The following PTK2 variants were observed in gnomAD, a reference collection of about 807,000 sequenced individuals.
The protein encoded by PTK2 is focal adhesion kinase 1.
PTK2 carries 45 observed loss-of-function variants against 150.1 expected under a neutral mutation model. The ratio of observed to expected loss-of-function variants is 0.30; its 90% CI spans 0.24 to 0.38. The LOEUF (loss-of-function observed/expected upper bound fraction) is 0.38, where lower values mean the gene tolerates loss of function less well. Among genes scored for constraint, PTK2 ranks in the 10% least tolerant of loss-of-function variants. The pLI, the probability that PTK2 is intolerant of heterozygous loss-of-function variation, is 1.00. For missense variants in PTK2, 919 were observed against 1,307.3 expected (o/e 0.70, Z 4.58); for synonymous variants, 432 against 449.2 (o/e 0.96, Z 0.48).
At chr8:140,877,025 C>T (rs868515203) in intron 4 of PTK2, among the ~76,000 whole-genome samples, 6 of 71,876 alleles carry the variant, frequency 8.3e-5, no homozygotes, top group Middle Eastern at 0.012. Flanking sequence ...TTCACTAATC[C>T]TTTTTTTTTT....
At chr8:140,884,022 T>C (rs978979883) in intron 3 of PTK2, among the ~76,000 whole-genome samples, 2 of 152,030 alleles carry the variant, frequency 1.3e-5, no homozygotes, top group Non-Finnish European at 2.9e-5. Flanking sequence ...TTGCATCTGA[T>C]CCTTCTTTCA....
At chr8:140,879,676 GAAAAAAAAAAA>G in intron 3 of PTK2, 39 bp from the exon 4 acceptor site, 25 of 34,584 alleles carry the variant, frequency 7.2e-4, no homozygotes, top group East Asian at 3.2e-3. Flanking sequence ...GTTATAAACT[GAAAAAAAAAAA>G]AAAAAAAAAA....
At chr8:140,775,459 T>A (rs1211663806) in intron 14 of PTK2, among the ~76,000 whole-genome samples, 1 of 152,088 alleles carries the variant, frequency 6.6e-6, no homozygotes, top group Non-Finnish European at 1.5e-5. Context: ...CACTCCAGTC[T>A]GGACAACGGA....
chr8:140,683,887 A>C (rs1463638920), intron 27 of PTK2, among the ~76,000 whole-genome samples: 3 of 152,130 alleles, frequency 2.0e-5, no homozygotes, highest in Non-Finnish European at 2.9e-5. Flanking sequence ...TGACAAACCC[A>C]CAGCCAATAT....
intron 8 of PTK2, among the ~76,000 whole-genome samples, chr8:140,825,652 C>A (rs981127456): frequency 6.6e-6 from 1 of 152,170 alleles, no homozygotes; most frequent in Non-Finnish European, 1.5e-5. Flanking sequence ...GGTAGGACAA[C>A]ATTCACTGAA....
chr8:140,933,680 A>T lies in PTK2; in HGVS notation c.-121-7931T>A, dbSNP rs550796603. Among the ~76,000 whole-genome samples, 3 of 152,328 alleles carry T rather than the reference A, an allele frequency of 2.0e-5. No individual in the cohort carries two copies. In the East Asian group the frequency reaches 5.8e-4, roughly 29 times the overall value. On this transcript the variant is annotated intron_variant, in intron 1 of 31. Coordinates refer to ENST00000522684, the Ensembl canonical transcript of PTK2. ...ATACAGCCTGATTCCTTTTATATAA[A>T]ATGTCCAGAATAGGCAAATCTATAA...
chr8:140,737,244 C>T (rs1446705949), intron 21 of PTK2, among the ~76,000 whole-genome samples: 3 of 152,138 alleles, frequency 2.0e-5, no homozygotes, highest in Non-Finnish European at 2.9e-5. Context: ...CTGAAACTAT[C>T]GGCATGCGCC....
chr8:140,771,011 T>C, intron 14 of PTK2: 1 of 202,654 alleles, frequency 4.9e-6, no homozygotes, highest in Non-Finnish European at 1.0e-5. Flanking sequence ...TTCCTGTAGA[T>C]TAGCACTTGA....
At chr8:140,736,541 A>AT (rs199716665) in intron 21 of PTK2, among the ~76,000 whole-genome samples, 1 of 151,746 alleles carries the variant, frequency 6.6e-6, no homozygotes, top group Non-Finnish European at 1.5e-5. Context: ...AAAAAAAAAA[A>AT]TTTAAAAATT....
At chr8:140,982,524 G>A (rs1233929603) in intron 1 of PTK2, among the ~76,000 whole-genome samples, 2 of 152,126 alleles carry the variant, frequency 1.3e-5, no homozygotes, top group East Asian at 3.8e-4. Flanking sequence ...TTGAACCCGG[G>A]AGGCGGAGGT....
chr8:140,971,347 C>T (rs547014668), intron 1 of PTK2, among the ~76,000 whole-genome samples: 1 of 152,334 alleles, frequency 6.6e-6, no homozygotes, highest in African/African-American at 2.4e-5. Flanking sequence ...CCAGTAGCAT[C>T]CACAGTGAAC....
At chr8:140,904,217 T>C (rs914101518) in intron 2 of PTK2, among the ~76,000 whole-genome samples, 35 of 152,312 alleles carry the variant, frequency 2.3e-4, no homozygotes, top group Non-Finnish European at 4.7e-4. Context: ...TGAAGGGGTG[T>C]TGAATTTTAT....
chr8:140,732,895 A>G (rs556603039), intron 22 of PTK2, among the ~76,000 whole-genome samples: 1 of 152,266 alleles, frequency 6.6e-6, no homozygotes, highest in South Asian at 2.1e-4. Flanking sequence ...TCCCCAAATG[A>G]AGAAGGAGGC....
At chr8:140,895,783 T>C (rs1389682919) in intron 2 of PTK2, among the ~76,000 whole-genome samples, 1 of 152,204 alleles carries the variant, frequency 6.6e-6, no homozygotes, top group African/African-American at 2.4e-5. Flanking sequence ...TTTAGCCTGA[T>C]GTGATTATTA....
exon 23 of PTK2, chr8:140,717,688 C>T: frequency 1.2e-6 from 2 of 1,613,988 alleles, no homozygotes; most frequent in Non-Finnish European, 1.7e-6. Context: ...CTTGCTGAGC[C>T]TTCTCTTCCT....
intron 1 of PTK2, among the ~76,000 whole-genome samples, chr8:140,986,469 T>C (rs1248669043): frequency 3.3e-5 from 5 of 151,978 alleles, no homozygotes; most frequent in Non-Finnish European, 7.4e-5. Context: ...CAGGCAAAAA[T>C]TGAAGTGAAA....
intron 31 of PTK2, among the ~76,000 whole-genome samples, chr8:140,662,355 G>A (rs540847477): frequency 1.2e-4 from 19 of 152,074 alleles, no homozygotes; most frequent in Non-Finnish European, 2.4e-4. Flanking sequence ...TTTGTGTATT[G>A]GAATCAGGGG....
rs745880445 is a variant in PTK2, at chr8:140,772,080, C to T, written c.1178-7790G>A. The stretch of plus-strand genomic sequence containing the variant: ...TTGTGATTACAGGCATAAGCCACCG[C>T]GCCCGGCCGATCCCAGTAACATTTA... On this transcript the variant is annotated intron_variant, in intron 14 of 31. Coordinates refer to ENST00000522684, the Ensembl canonical transcript of PTK2. Among the ~76,000 whole-genome samples, 44 of 152,132 alleles carry T rather than the reference C, an allele frequency of 2.9e-4. 1 individual carries two copies. The highest frequency in any genetic ancestry group is 4.1e-4 in the Non-Finnish European group (28 of 67,984).
intron 1 of PTK2, among the ~76,000 whole-genome samples, chr8:140,977,802 G>C (rs913106344): frequency 1.3e-5 from 2 of 151,794 alleles, no homozygotes; most frequent in African/African-American, 4.8e-5. Context: ...ACAATAAAAA[G>C]TACTCATCAT....
Sources: gnomAD v4.1 joint callset for allele counts (sites outside exome capture counted in the v4.1 genomes callset) on GRCh38, gnomAD v4.1.1 for gene constraint, MANE v1.5 for transcripts, NCBI Gene and HGNC (gene_info 2026-07-23, HGNC 2026-07-21) for gene names.